Variants in SEMA5A observed in about 807,000 individuals in gnomAD.
SEMA5A encodes semaphorin-5A.
A neutral mutation model predicts 135.5 loss-of-function variants in SEMA5A; 55 were observed. That is an observed-to-expected ratio of 0.41 (90% CI 0.33 to 0.51). SEMA5A has a LOEUF of 0.51. Among genes scored for constraint, SEMA5A ranks in the 20% least tolerant of loss-of-function variants. The pLI is 0.37. For missense variants in SEMA5A, 1,290 were observed against 1,419.9 expected, an observed-to-expected ratio of 0.91 and a Z score of 1.47; for synonymous variants, 580 against 546.5, an observed-to-expected ratio of 1.06 and a Z score of -0.85.
intron 1 of SEMA5A, among the ~76,000 whole-genome samples, chr5:9,509,521 C>G (rs1013642811): frequency 2.0e-5 from 3 of 151,990 alleles, no homozygotes; most frequent in African/African-American, 7.2e-5. Context: ...GTGATCCACC[C>G]ACCTTGGCCT....
At chr5:9,281,545 C>A (rs111993590) in intron 5 of SEMA5A, among the ~76,000 whole-genome samples, 1 of 152,090 alleles carries the variant, frequency 6.6e-6, no homozygotes, top group African/African-American at 2.4e-5. Flanking sequence ...GACGGAGAAA[C>A]CCTAGTTTAT....
chr5:9,407,035 G>A (rs1333498514), intron 2 of SEMA5A, among the ~76,000 whole-genome samples: 1 of 152,202 alleles, frequency 6.6e-6, no homozygotes, highest in Non-Finnish European at 1.5e-5. Context: ...GATCTGTCCT[G>A]TGCATTGAAG....
At chr5:9,123,258 CAAAAAAAAAAAAAAAAAAAAAAA>C (rs57533658) in intron 13 of SEMA5A, among the ~76,000 whole-genome samples, 3 of 38,924 alleles carry the variant, frequency 7.7e-5, no homozygotes, top group African/African-American at 1.3e-4. Flanking sequence ...GACTCCGCCT[CAAAAAAAAAAAAAAAAAAAAAAA>C]AAAAAAAAAA....
intron 5 of SEMA5A, among the ~76,000 whole-genome samples, chr5:9,305,425 A>C (rs992326877): frequency 6.6e-6 from 1 of 151,812 alleles, no homozygotes; most frequent in Non-Finnish European, 1.5e-5. Context: ...TTCTTATTTA[A>C]TTTGGTTCAC....
intron 11 of SEMA5A, among the ~76,000 whole-genome samples, chr5:9,184,625 A>C (rs1370176917): frequency 6.6e-6 from 1 of 152,152 alleles, no homozygotes; most frequent in Non-Finnish European, 1.5e-5. Flanking sequence ...TGAAGTTTCT[A>C]ATTTAATTTT....
chr5:9,080,322 C>T (rs926233703), intron 16 of SEMA5A, among the ~76,000 whole-genome samples: 2 of 152,148 alleles, frequency 1.3e-5, no homozygotes, highest in African/African-American at 4.8e-5. Flanking sequence ...ACCACATGTT[C>T]TCACTCATAA....
At chr5:9,163,898 G>A (rs569154057) in intron 11 of SEMA5A, among the ~76,000 whole-genome samples, 4 of 151,050 alleles carry the variant, frequency 2.6e-5, no homozygotes, top group African/African-American at 7.3e-5. Flanking sequence ...AGCCTCCAGG[G>A]CTGAGAAATA....
chr5:9,254,902 G>A (rs937606561), intron 5 of SEMA5A, among the ~76,000 whole-genome samples: 3 of 152,186 alleles, frequency 2.0e-5, no homozygotes, highest in African/African-American at 7.2e-5. Context: ...ATAAGGCAAC[G>A]AGGCTGAATT....
chr5:9,083,112 T>C (rs1388808453), intron 16 of SEMA5A, among the ~76,000 whole-genome samples: 2 of 152,242 alleles, frequency 1.3e-5, no homozygotes, highest in Admixed American at 1.3e-4. Flanking sequence ...ATGAATGATG[T>C]ATTTGGAACA....
chr5:9,170,773 T>C (rs1743876072), intron 11 of SEMA5A, among the ~76,000 whole-genome samples: 1 of 152,168 alleles, frequency 6.6e-6, no homozygotes, highest in Non-Finnish European at 1.5e-5. Context: ...TTTCTGTTGT[T>C]TCTAAATCAC....
At chr5:9,221,967 G>A (rs1393116629) in intron 8 of SEMA5A, among the ~76,000 whole-genome samples, 2 of 152,100 alleles carry the variant, frequency 1.3e-5, no homozygotes, top group Admixed American at 1.3e-4. Flanking sequence ...GAAGACAGAG[G>A]CTCCACCTTT....
intron 5 of SEMA5A, among the ~76,000 whole-genome samples, chr5:9,290,184 GTCT>G: frequency 6.6e-6 from 1 of 152,134 alleles, no homozygotes; most frequent in East Asian, 1.9e-4. Context: ...CCAATGTGTA[GTCT>G]TTTATCCCTC....
intron 15 of SEMA5A, among the ~76,000 whole-genome samples, chr5:9,113,393 C>G (rs1392298775): frequency 2.0e-5 from 3 of 151,974 alleles, no homozygotes; most frequent in Admixed American, 6.6e-5. Context: ...AGGACATGGC[C>G]AGTAAGGGTT....
chr5:9,438,130 G>A (rs1048843922), intron 1 of SEMA5A, among the ~76,000 whole-genome samples: 1 of 152,166 alleles, frequency 6.6e-6, no homozygotes, highest in East Asian at 1.9e-4. Flanking sequence ...AAAACATCCA[G>A]AAGAACCATT....
At chr5:9,446,101 C>A (rs1436076424) in intron 1 of SEMA5A, among the ~76,000 whole-genome samples, 1 of 152,164 alleles carries the variant, frequency 6.6e-6, no homozygotes, top group Non-Finnish European at 1.5e-5. Flanking sequence ...AAAGCATTGA[C>A]TAATCCTAAC....
intron 5 of SEMA5A, among the ~76,000 whole-genome samples, chr5:9,270,582 G>A (rs1749921537): frequency 6.6e-6 from 1 of 152,026 alleles, no homozygotes; most frequent in South Asian, 2.1e-4. Flanking sequence ...AGTCTGGTTG[G>A]AAACACAGCA....
intron 8 of SEMA5A, among the ~76,000 whole-genome samples, chr5:9,222,858 G>A (rs1180194509): frequency 1.3e-5 from 2 of 152,162 alleles, no homozygotes; most frequent in East Asian, 1.9e-4. Flanking sequence ...ATGTAAGAAG[G>A]CAGCTAGTGT....
At chr5:9,358,301 G>T (rs574737905) in intron 3 of SEMA5A, among the ~76,000 whole-genome samples, 99 of 152,284 alleles carry the variant, frequency 6.5e-4, no homozygotes, top group African/African-American at 2.3e-3. Flanking sequence ...TGTCCCTTGT[G>T]CAATTTTGGT....
Position 9,362,994 on chromosome 5 carries a change from T to A in SEMA5A, c.124+16829A>T, listed in dbSNP as rs1265019394. On this transcript the variant is annotated intron_variant, in intron 3 of 22. Coordinates refer to ENST00000382496, the MANE Select transcript of SEMA5A (RefSeq NM_003966.3). ...ACCTCAGCATAATATTTGTAATGCG[T>A]CTTACTTTTTACTTTTGAGTTTATT... Among the ~76,000 whole-genome samples the A allele has an allele frequency of 2.6e-5, 4 of 152,202 alleles. No individual in the cohort carries two copies. In the East Asian group the frequency reaches 7.7e-4, roughly 29 times the overall value.
Sources: gnomAD v4.1 joint callset for allele counts (sites outside exome capture counted in the v4.1 genomes callset) on GRCh38, gnomAD v4.1.1 for gene constraint, MANE v1.5 for transcripts, NCBI Gene and HGNC (gene_info 2026-07-23, HGNC 2026-07-21) for gene names.